Variants in NUDT4 observed in about 807,000 individuals in gnomAD.
The protein encoded by NUDT4 is diphosphoinositol polyphosphate phosphohydrolase 2.
In NUDT4, 5 loss-of-function variants were observed where a neutral mutation model predicts 23.1. The observed-to-expected ratio is 0.22, with a 90% CI of 0.11 to 0.46. NUDT4 has a LOEUF of 0.46. Ranked by LOEUF, NUDT4 falls within the 20% of genes least tolerant of loss-of-function variation. The pLI, the probability that NUDT4 is intolerant of heterozygous loss-of-function variation, is 0.99. For synonymous variants in NUDT4, 50 were observed against 79.0 expected (o/e 0.63, Z 1.95); for missense variants, 96 against 211.6 (o/e 0.45, Z 3.39).
In NUDT4 at chr12:93,403,809, A is replaced by G. The variant is rs963945375; in HGVS notation, c.*4430A>G. 3 of 152,324 alleles carry G rather than the reference A, an allele frequency of 2.0e-5. No individual in the cohort carries two copies. The highest frequency in any genetic ancestry group is 3.9e-4 in the East Asian group (2 of 5,180). The allele number at this position is 152,324 out of a possible 1,614,324, so 9.4% of individuals were successfully genotyped here. On this transcript the variant is annotated 3_prime_UTR_variant, in exon 5 of 5. Transcript: ENST00000415493. ...AATCTATCGCTGGTGCTACTTTAAT[A>G]CCTTCCTGACTGGTGCCACTGGCTA...
In NUDT4 at chr12:93,402,874, C is replaced by T. The variant is rs1877568979; in HGVS notation, c.*3495C>T. ...ACCCGCCGCATTACATTTCCTAAAACATACTGCTGCCAAAGACCAACTGTA... is the reference window on the plus strand; with the variant it reads ...ACCCGCCGCATTACATTTCCTAAAATATACTGCTGCCAAAGACCAACTGTA... On this transcript the variant is annotated 3_prime_UTR_variant, in exon 5 of 5. Coordinates refer to ENST00000415493, the MANE Select transcript of NUDT4 (RefSeq NM_019094.6). The T allele has an allele frequency of 6.6e-6, 1 of 151,758 alleles. No individual in the cohort carries two copies. The highest frequency in any genetic ancestry group is 2.4e-5 in the African/African-American group (1 of 41,366). The allele number at this position is 151,758 out of a possible 1,614,324, so 9.4% of individuals were successfully genotyped here. A position where few individuals can be genotyped will look rare whatever the true frequency, so the allele number is the denominator to read the frequency against.
intron 1 of NUDT4, among the ~76,000 whole-genome samples, chr12:93,390,374 A>G (rs1288188325): frequency 1.3e-5 from 2 of 152,164 alleles, no homozygotes; most frequent in Non-Finnish European, 2.9e-5. Context: ...TTAACTTAAA[A>G]ACTAACATTC....
At position 93,401,409 on chromosome 12, in the gene NUDT4, TAA is replaced by T. The variant is rs1236080388; in HGVS notation, c.*2031_*2032del. On this transcript the variant is annotated 3_prime_UTR_variant, in exon 5 of 5. Transcript: ENST00000415493. ...AGAGAAACTGGATTGTTTTTGTATA[TAA>T]GACTGCTTCCACCTGAAATGCTGTC... 2 of 148,924 alleles carry T rather than the reference TAA, an allele frequency of 1.3e-5. No individual in the cohort carries two copies. Among genetic ancestry groups the T allele is most frequent in the Non-Finnish European group, 3.0e-5 (2 of 66,760 alleles). The allele number at this position is 148,924 out of a possible 1,614,324, so 9.2% of individuals were successfully genotyped here. A position where few individuals can be genotyped will look rare whatever the true frequency, so the allele number is the denominator to read the frequency against.
chr12:93,395,744 CAG>C (rs1416643181), intron 3 of NUDT4, among the ~76,000 whole-genome samples: 9 of 151,994 alleles, frequency 5.9e-5, no homozygotes, highest in African/African-American at 2.2e-4. Context: ...TTTTTTAAGA[CAG>C]AGTCTCGCTC....
rs1877303229 is a variant in NUDT4 at position 93,400,475 on chromosome 12, TCTTTTA to T, written c.*1101_*1106del. ...GAACATACCTGAACTAAGAATTAAA[TCTTTTA>T]CTTTATACTCACTTAAAATCAAGAA... On this transcript the variant is annotated 3_prime_UTR_variant, in exon 5 of 5. Transcript: ENST00000415493. The T allele has an allele frequency of 1.3e-5, 2 of 152,476 alleles. No individual in the cohort carries two copies. The highest frequency in any genetic ancestry group is 1.3e-4 in the Admixed American group (2 of 15,314). 9.4% of individuals were successfully genotyped at this position (152,476 alleles called of 1,614,324 possible).
chr12:93,391,838 C>T (rs1405245534), intron 1 of NUDT4, among the ~76,000 whole-genome samples: 2 of 152,104 alleles, frequency 1.3e-5, no homozygotes, highest in African/African-American at 2.4e-5. Context: ...AGGTAGTATA[C>T]TAAGATAATT....
At chr12:93,395,220 A>G (rs1348184344) in intron 2 of NUDT4, among the ~76,000 whole-genome samples, 1 of 152,148 alleles carries the variant, frequency 6.6e-6, no homozygotes, top group Non-Finnish European at 1.5e-5. Context: ...TCCTGACCTC[A>G]AGTGATCCTT....
Position 93,402,412 on chromosome 12 carries a change from G to A in NUDT4, c.*3033G>A, listed in dbSNP as rs1877518800. ...ACCCAGCGGAAACGTATACCTTTCAGTGCATAGTGCATTGTGTGCTTACCC... is the reference window on the plus strand; with the variant it reads ...ACCCAGCGGAAACGTATACCTTTCAATGCATAGTGCATTGTGTGCTTACCC... On this transcript the variant is annotated 3_prime_UTR_variant, in exon 5 of 5. Transcript: ENST00000415493. 1 of 152,164 alleles carries A rather than the reference G, an allele frequency of 6.6e-6. No homozygotes were observed. Among genetic ancestry groups the A allele is most frequent in the Non-Finnish European group, 1.5e-5 (1 of 68,034 alleles). The allele number at this position is 152,164 out of a possible 1,614,324, so 9.4% of individuals were successfully genotyped here.
intron 1 of NUDT4, among the ~76,000 whole-genome samples, chr12:93,379,993 A>G (rs2120842261): frequency 6.6e-6 from 1 of 152,348 alleles, no homozygotes; most frequent in Non-Finnish European, 1.5e-5. Context: ...TATACATTTA[A>G]TCCTTTTAAC....
At chr12:93,395,460 A>G in intron 2 of NUDT4, 29 bp from the exon 3 acceptor site, 1 of 1,531,150 alleles carries the variant, frequency 6.5e-7, no homozygotes, top group African/African-American at 1.4e-5. Context: ...AAAAAGGTAA[A>G]CATTTTATAT....
intron 1 of NUDT4, among the ~76,000 whole-genome samples, chr12:93,380,118 T>G (rs1017501082): frequency 6.6e-6 from 1 of 152,210 alleles, no homozygotes; most frequent in African/African-American, 2.4e-5. Flanking sequence ...CAGGGTCCAG[T>G]CCTTACTCCT....
intron 1 of NUDT4, chr12:93,385,170 G>A (rs1295598554): frequency 2.0e-5 from 3 of 152,262 alleles, no homozygotes; most frequent in Admixed American, 6.5e-5. Flanking sequence ...CAGGTGAGTG[G>A]TGTTTTTTTC....
At position 93,402,368 on chromosome 12, in the gene NUDT4, A is replaced by T. The variant is rs1877514556; in HGVS notation, c.*2989A>T. ...AACTTTGGGTAAGGTGTATGCTTTT[A>T]ACTTTGAAATGTATAAACACCCAGC... On this transcript the variant is annotated 3_prime_UTR_variant, in exon 5 of 5. Transcript: ENST00000415493. The T allele has an allele frequency of 6.6e-6, 1 of 152,186 alleles. No individual in the cohort carries two copies. Among genetic ancestry groups the T allele is most frequent in the South Asian group, 2.1e-4 (1 of 4,832 alleles). 9.4% of individuals were successfully genotyped at this position (152,186 alleles called of 1,614,324 possible).
chr12:93,387,225 C>T (rs537111915), intron 1 of NUDT4, among the ~76,000 whole-genome samples: 1 of 152,298 alleles, frequency 6.6e-6, no homozygotes, highest in Non-Finnish European at 1.5e-5. Flanking sequence ...AGCCACTGCA[C>T]CCGGCTAGAC....
chr12:93,380,613 G>GAAAT (rs1875592567), intron 1 of NUDT4, among the ~76,000 whole-genome samples: 2 of 152,194 alleles, frequency 1.3e-5, no homozygotes, highest in Admixed American at 6.5e-5. Flanking sequence ...CTCCTTAAGT[G>GAAAT]AAATGCACAG....
At chr12:93,385,916 A>G (rs1457378674) in intron 1 of NUDT4, among the ~76,000 whole-genome samples, 2 of 56,030 alleles carry the variant, frequency 3.6e-5, no homozygotes, top group African/African-American at 2.6e-4. Context: ...TATAGATTTT[A>G]TATATATATA....
At chr12:93,386,584 A>C (rs180942455) in intron 1 of NUDT4, among the ~76,000 whole-genome samples, 58 of 152,212 alleles carry the variant, frequency 3.8e-4, no homozygotes, top group Admixed American at 9.2e-4. Flanking sequence ...TGTTTCAAAA[A>C]AAAAAAAGAA....
intron 2 of NUDT4, among the ~76,000 whole-genome samples, chr12:93,394,995 C>A (rs996763289): frequency 6.6e-6 from 1 of 151,824 alleles, no homozygotes; most frequent in Non-Finnish European, 1.5e-5. Context: ...ATTACAGGCA[C>A]GTGCCACCGC....
rs1226728891 is a variant in NUDT4, at chr12:93,404,448, C to G, written c.*5069C>G. 2 of 152,332 alleles carry G rather than the reference C, an allele frequency of 1.3e-5. No individual in the cohort carries two copies. The highest frequency in any genetic ancestry group is 3.9e-4 in the East Asian group (2 of 5,186). 9.4% of individuals were successfully genotyped at this position (152,332 alleles called of 1,614,324 possible). A position where few individuals can be genotyped will look rare whatever the true frequency, so the allele number is the denominator to read the frequency against. ...ATTTTATCACAGCTGCATACATACC[C>G]TTTCACCCAACAGTTCCACTCCTGG... On this transcript the variant is annotated 3_prime_UTR_variant, in exon 5 of 5. Coordinates refer to ENST00000415493, the MANE Select transcript of NUDT4 (RefSeq NM_019094.6).
Sources: allele counts gnomAD v4.1 joint callset (sites outside exome capture counted in the v4.1 genomes callset), GRCh38; gene constraint gnomAD v4.1.1; transcripts MANE v1.5; gene names NCBI Gene and HGNC (gene_info 2026-07-23, HGNC 2026-07-21).